Variants in CNTRL observed in about 807,000 individuals in gnomAD.
CNTRL encodes 110 kDa centrosomal protein.
A neutral mutation model predicts 303.7 loss-of-function variants in CNTRL; 233 were observed. That is an observed-to-expected ratio of 0.77 (90% CI 0.69 to 0.86). The LOEUF (loss-of-function observed/expected upper bound fraction) is 0.86, where lower values mean the gene tolerates loss of function less well. CNTRL is among the 40% of genes least tolerant of loss of function. CNTRL has a pLI of 0.00. For synonymous variants in CNTRL, 900 were observed against 922.2 expected (o/e 0.98, Z 0.44); for missense variants, 2,524 against 2,650.6 (o/e 0.95, Z 1.05).
intron 31 of CNTRL, among the ~76,000 whole-genome samples, chr9:121,159,902 C>T (rs865778678): frequency 3.9e-5 from 6 of 152,086 alleles, no homozygotes; most frequent in African/African-American, 9.7e-5. Flanking sequence ...TCTCTATAGA[C>T]GTTGCCTTGC....
intron 14 of CNTRL, among the ~76,000 whole-genome samples, chr9:121,130,336 A>G (rs912213130): frequency 1.4e-3 from 216 of 152,204 alleles, no homozygotes; most frequent in Admixed American, 6.1e-3. Flanking sequence ...CAGAGATTCA[A>G]CTTCTTCCTG....
intron 14 of CNTRL, among the ~76,000 whole-genome samples, chr9:121,133,120 T>C (rs2050967002): frequency 6.6e-6 from 1 of 152,266 alleles, no homozygotes; most frequent in African/African-American, 2.4e-5. Flanking sequence ...GGAGGCAGTC[T>C]GTCCGTTCTC....
chr9:121,101,947 G>A (rs2049193471), intron 7 of CNTRL, among the ~76,000 whole-genome samples: 1 of 152,104 alleles, frequency 6.6e-6, no homozygotes, highest in South Asian at 2.1e-4. Context: ...ATCAGACGGA[G>A]TCACAGCTGA....
chr9:121,161,566 T>C, intron 32 of CNTRL: 3 of 361,220 alleles, frequency 8.3e-6, no homozygotes, highest in Non-Finnish European at 1.5e-5. Context: ...CAGGCTAGTC[T>C]CAAACCCCTG....
At chr9:121,076,205 A>G (rs2047917625) in intron 1 of CNTRL, among the ~76,000 whole-genome samples, 1 of 152,228 alleles carries the variant, frequency 6.6e-6, no homozygotes. Context: ...ATCATGGGTA[A>G]TAGGGAGATA....
chr9:121,107,976 T>A lies in CNTRL; in HGVS notation c.983T>A (p.Leu328Ter). 1 of 1,577,548 alleles carries A rather than the reference T, an allele frequency of 6.3e-7. No homozygotes were observed. Among genetic ancestry groups the A allele is most frequent in the Non-Finnish European group, 8.6e-7 (1 of 1,168,162 alleles). Residue 328 changes from leucine (L) to a stop codon, truncating the protein, a stop_gained, in exon 8 of 44, where the codon TTA (leucine) becomes TAA (stop). Transcript: ENST00000373855. LOFTEE classifies it high-confidence loss of function. Reference protein sequence around the residue: ...KQSCEELKSDLNTKNELLKQK... With the variant: ...KQSCEELKSD ...AGCTGTGAGGAACTCAAGAGTGACTTAAACACAAAAAATGAATTGGTAAGT... is the reference window on the plus strand; with the variant it reads ...AGCTGTGAGGAACTCAAGAGTGACTAAAACACAAAAAATGAATTGGTAAGT...
chr9:121,118,992 C>T (rs1244190162), intron 12 of CNTRL, among the ~76,000 whole-genome samples: 1 of 151,748 alleles, frequency 6.6e-6, no homozygotes, highest in Non-Finnish European at 1.5e-5. Context: ...GGGATGAATC[C>T]CCCATGGATA....
chr9:121,107,885 G>A lies in CNTRL; in HGVS notation c.892G>A (p.Glu298Lys). The A allele has an allele frequency of 6.2e-7, 1 of 1,610,414 alleles. No individual in the cohort carries two copies. ...ELKSKQTRFLEEIKNQDKLNK... is the reference protein window; with the variant it reads ...ELKSKQTRFLKEIKNQDKLNK... ...TAAGAGCAAACAAACAAGGTTCCTT[G>A]AGGAAATTAAAAATCAAGATAAATT... Residue 298 changes from glutamate to lysine, a missense_variant, in exon 8 of 44, where the codon GAG becomes AAG. Glu to Lys is a moderately conservative substitution (Grantham distance 56, BLOSUM62 1). Coordinates refer to ENST00000373855, the MANE Select transcript of CNTRL (RefSeq NM_007018.6).
At chr9:121,171,936 A>G (rs55740962) in intron 40 of CNTRL, among the ~76,000 whole-genome samples, 18,176 of 152,180 alleles carry the variant, frequency 0.12, 1,227 homozygotes, top group East Asian at 0.18. Context: ...ATATCACATA[A>G]TGTAGCCAGG....
At chr9:121,087,547 C>T (rs1039451539) in intron 2 of CNTRL, among the ~76,000 whole-genome samples, 1 of 152,094 alleles carries the variant, frequency 6.6e-6, no homozygotes, top group African/African-American at 2.4e-5. Context: ...AAAAATTAGC[C>T]GGGCATGGTG....
At chr9:121,082,354 C>G (rs1407567425) in intron 2 of CNTRL, among the ~76,000 whole-genome samples, 1 of 152,204 alleles carries the variant, frequency 6.6e-6, no homozygotes, top group Non-Finnish European at 1.5e-5. Context: ...ATTACAAAAA[C>G]ATACTCCTAA....
At chr9:121,119,669 T>C (rs1238720242) in intron 12 of CNTRL, among the ~76,000 whole-genome samples, 1 of 151,906 alleles carries the variant, frequency 6.6e-6, no homozygotes, top group African/African-American at 2.4e-5. Context: ...CTAATTTTTG[T>C]ATTTTTGGTA....
intron 5 of CNTRL, among the ~76,000 whole-genome samples, chr9:121,095,571 T>A (rs2132507052): frequency 6.6e-6 from 1 of 152,296 alleles, no homozygotes; most frequent in South Asian, 2.1e-4. Context: ...AATCTTGAAA[T>A]TCTTAATATC....
chr9:121,118,650 C>A, intron 12 of CNTRL, 110 bp downstream of exon 12: 1 of 870,914 alleles, frequency 1.1e-6, no homozygotes, highest in Non-Finnish European at 1.7e-6. Context: ...GTTTGATGTA[C>A]AAATTTAAGT....
intron 31 of CNTRL, among the ~76,000 whole-genome samples, chr9:121,159,282 C>G (rs1309032102): frequency 6.6e-6 from 1 of 152,116 alleles, no homozygotes; most frequent in East Asian, 1.9e-4. Context: ...CCCTTTCTCC[C>G]CTATCACTAG....
chr9:121,107,889 A>C lies in CNTRL; in HGVS notation c.896A>C (p.Glu299Ala), dbSNP rs1490992567. 1 of 1,610,858 alleles carries C rather than the reference A, an allele frequency of 6.2e-7. No homozygotes were observed. The highest frequency in any genetic ancestry group is 1.1e-5 in the South Asian group (1 of 90,572). Reference protein sequence around the residue: ...LKSKQTRFLEEIKNQDKLNKS... With the variant: ...LKSKQTRFLEAIKNQDKLNKS... ...AGCAAACAAACAAGGTTCCTTGAGG[A>C]AATTAAAAATCAAGATAAATTGAAT... The change falls in exon 8 of 44, where the codon GAA (glutamate) becomes GCA (alanine). Residue 299 changes from glutamate (E) to alanine (A), a missense_variant. Transcript: ENST00000373855.
At chr9:121,155,924 G>C (rs1021195984) in intron 27 of CNTRL, among the ~76,000 whole-genome samples, 1 of 152,064 alleles carries the variant, frequency 6.6e-6, no homozygotes, top group African/African-American at 2.4e-5. Context: ...ATTTCAACAT[G>C]AATCTATTTA....
intron 8 of CNTRL, among the ~76,000 whole-genome samples, chr9:121,109,696 G>A (rs147721063): frequency 6.6e-6 from 1 of 152,140 alleles, no homozygotes; most frequent in East Asian, 1.9e-4. Context: ...AAGTGTTAAT[G>A]TACACTTCAA....
At position 121,096,412 on chromosome 9, in the gene CNTRL, T is replaced by G. The variant is rs769071866; in HGVS notation, c.480-10T>G. The stretch of plus-strand genomic sequence containing the variant: ...ACTCACTAAATTTTATTTTATCCTT[T>G]GCTTTCCAGCAAAATTGAAGGCATA... On this transcript the variant is annotated splice_polypyrimidine_tract_variant and intron_variant, in intron 5 of 43. Transcript: ENST00000373855. 3 of 1,503,724 alleles carry G rather than the reference T, an allele frequency of 2.0e-6. No homozygotes were observed. The highest frequency in any genetic ancestry group is 2.7e-6 in the Non-Finnish European group (3 of 1,120,734). 93.1% of individuals were successfully genotyped at this position (1,503,724 alleles called of 1,614,324 possible). A position where few individuals can be genotyped will look rare whatever the true frequency, so the allele number is the denominator to read the frequency against.
Sources: allele counts gnomAD v4.1 joint callset (sites outside exome capture counted in the v4.1 genomes callset), GRCh38; gene constraint gnomAD v4.1.1; transcripts MANE v1.5; gene names NCBI Gene and HGNC (gene_info 2026-07-23, HGNC 2026-07-21).